Variants in DSCAML1 observed in about 807,000 individuals in gnomAD.
DSCAML1 encodes the protein DS cell adhesion molecule like 1, also known as cell adhesion molecule DSCAML1.
A neutral mutation model predicts 200.5 loss-of-function variants in DSCAML1; 38 were observed. The ratio of observed to expected loss-of-function variants is 0.19; its 90% CI spans 0.15 to 0.25. The LOEUF (loss-of-function observed/expected upper bound fraction) is 0.25. DSCAML1 is among the 10% of genes least tolerant of loss of function. DSCAML1 has a pLI of 1.00. For synonymous variants in DSCAML1, 1,215 were observed against 1,165.0 expected (o/e 1.04, Z -0.87); for missense variants, 2,223 against 2,858.8 (o/e 0.78, Z 5.07).
At chr11:117,610,845 C>CCA (rs2051675641) in intron 3 of DSCAML1, among the ~76,000 whole-genome samples, 1 of 148,700 alleles carries the variant, frequency 6.7e-6, no homozygotes, top group Non-Finnish European at 1.5e-5. Flanking sequence ...AAACAACCCC[C>CCA]CCCCCCCACA....
intron 3 of DSCAML1, among the ~76,000 whole-genome samples, chr11:117,770,898 T>C (rs1038548558): frequency 1.3e-5 from 2 of 152,188 alleles, no homozygotes; most frequent in Admixed American, 6.5e-5. Flanking sequence ...AAATAACTGG[T>C]ATCTGTAGTG....
chr11:117,640,820 C>T (rs1439296094), intron 3 of DSCAML1, among the ~76,000 whole-genome samples: 4 of 152,270 alleles, frequency 2.6e-5, no homozygotes, highest in Admixed American at 6.5e-5. Context: ...CCTGGCACAG[C>T]GTGGGGCACA....
In DSCAML1 at chr11:117,549,552, A is replaced by T. The variant is rs184953577; in HGVS notation, c.512-17030T>A. Among the ~76,000 whole-genome samples the T allele has an allele frequency of 3.5e-3, 534 of 152,322 alleles. 1 individual carries two copies. The highest frequency in any genetic ancestry group is 5.7e-3 in the Non-Finnish European group (388 of 68,026). Reference sequence around the variant, plus strand: ...TCTATAAAATTGTGCTAATAACAGTACCAATCACACAGAGTTGTAGTGGTC... The same window carrying T: ...TCTATAAAATTGTGCTAATAACAGTTCCAATCACACAGAGTTGTAGTGGTC... On this transcript the variant is annotated intron_variant, in intron 3 of 32. Coordinates refer to ENST00000651296, the MANE Select transcript of DSCAML1 (RefSeq NM_020693.4).
intron 3 of DSCAML1, among the ~76,000 whole-genome samples, chr11:117,669,864 A>G (rs1393367924): frequency 6.6e-6 from 1 of 152,220 alleles, no homozygotes; most frequent in Non-Finnish European, 1.5e-5. Context: ...CTATAGCTCA[A>G]TGAGCAACGG....
intron 3 of DSCAML1, among the ~76,000 whole-genome samples, chr11:117,679,663 G>A (rs1272769666): frequency 6.6e-6 from 1 of 152,168 alleles, no homozygotes; most frequent in Non-Finnish European, 1.5e-5. Flanking sequence ...CTGCTGTCTA[G>A]GCTCAAAGTC....
intron 3 of DSCAML1, among the ~76,000 whole-genome samples, chr11:117,743,453 C>T (rs2054458958): frequency 6.6e-6 from 1 of 152,188 alleles, no homozygotes; most frequent in Non-Finnish European, 1.5e-5. Context: ...CCTGCCCATG[C>T]CTGTGTGCAC....
chr11:117,461,776 C>T (rs561543627), intron 17 of DSCAML1, among the ~76,000 whole-genome samples, 180 bp from the exon 18 acceptor site: 69 of 152,246 alleles, frequency 4.5e-4, no homozygotes, highest in African/African-American at 1.4e-3. Flanking sequence ...GGAAGTGAAC[C>T]GAGTTTCCTT....
At position 117,687,426 on chromosome 11, in the gene DSCAML1, A is replaced by ATTTTTT. The variant is rs71037492; in HGVS notation, c.511+89359_511+89364dup. Among the ~76,000 whole-genome samples the ATTTTTT allele has an allele frequency of 6.6e-4, 64 of 97,640 alleles. 5 individuals carry two copies. The highest frequency in any genetic ancestry group is 2.0e-3 in the African/African-American group (48 of 24,300). 64.1% of individuals were successfully genotyped at this position (97,640 alleles called of 152,430 possible). ...CAGGTGTGCTCCACCATGCCTGGCT[A>ATTTTTT]TTTTTTTTTTTTTTTTTTTTTTAGA... On this transcript the variant is annotated intron_variant, in intron 3 of 32. Coordinates refer to ENST00000651296, the MANE Select transcript of DSCAML1 (RefSeq NM_020693.4).
chr11:117,627,431 C>T (rs1321045544), intron 3 of DSCAML1, among the ~76,000 whole-genome samples: 1 of 152,174 alleles, frequency 6.6e-6, no homozygotes, highest in Admixed American at 6.5e-5. Flanking sequence ...TGACTGAAGG[C>T]CTCTATGTCG....
intron 3 of DSCAML1, among the ~76,000 whole-genome samples, chr11:117,563,682 G>A (rs2137420418): frequency 6.6e-6 from 1 of 152,210 alleles, no homozygotes. Context: ...TAAGTGGTGG[G>A]GAGAAGACGA....
chr11:117,566,131 A>T (rs906198185), intron 3 of DSCAML1, among the ~76,000 whole-genome samples: 2 of 152,208 alleles, frequency 1.3e-5, no homozygotes, highest in African/African-American at 4.8e-5. Context: ...TGTTATCATT[A>T]TCACCATCAT....
At chr11:117,688,743 G>T (rs1459968388) in intron 3 of DSCAML1, among the ~76,000 whole-genome samples, 2 of 152,204 alleles carry the variant, frequency 1.3e-5, no homozygotes, top group African/African-American at 4.8e-5. Context: ...GAGGCTGAAG[G>T]CCCTAAATGA....
chr11:117,698,200 G>A (rs1348093211), intron 3 of DSCAML1, among the ~76,000 whole-genome samples: 3 of 152,210 alleles, frequency 2.0e-5, no homozygotes, highest in Non-Finnish European at 4.4e-5. Context: ...CTGCTGCTGT[G>A]GGCATGGGTG....
intron 8 of DSCAML1, among the ~76,000 whole-genome samples, chr11:117,510,533 C>T (rs1348359487): frequency 1.1e-4 from 16 of 152,130 alleles, no homozygotes; most frequent in Admixed American, 9.8e-4. Context: ...GGAAGCCCAT[C>T]CCAGATCGCC....
chr11:117,524,749 C>T, intron 5 of DSCAML1, 56 bp downstream of exon 5: 2 of 1,534,826 alleles, frequency 1.3e-6, no homozygotes, highest in East Asian at 2.5e-5. Context: ...CCTCCCCCGA[C>T]CCCTGAGGCG....
intron 4 of DSCAML1, among the ~76,000 whole-genome samples, chr11:117,530,488 G>A (rs2050056900): frequency 6.6e-6 from 1 of 152,188 alleles, no homozygotes; most frequent in Non-Finnish European, 1.5e-5. Context: ...ACAAAGATGG[G>A]GCTGCACGGA....
intron 3 of DSCAML1, among the ~76,000 whole-genome samples, chr11:117,708,446 G>A (rs2053789826): frequency 6.6e-6 from 1 of 152,150 alleles, no homozygotes. Flanking sequence ...GTTTGACTTT[G>A]GGTAAGTTTC....
intron 3 of DSCAML1, among the ~76,000 whole-genome samples, chr11:117,704,430 C>T (rs990090795): frequency 6.6e-6 from 1 of 152,080 alleles, no homozygotes; most frequent in Non-Finnish European, 1.5e-5. Context: ...ATGTTGTGTG[C>T]ACGCGCGCAC....
rs1194939528 is a variant in DSCAML1, at chr11:117,521,155, C to T, written c.1188G>A (p.Gln396=). 7 of 1,613,944 alleles carry T rather than the reference C, an allele frequency of 4.3e-6. No individual in the cohort carries two copies. The South Asian group carries it at 5.5e-5, about 13-fold the overall frequency. Residue 396 remains glutamine, a synonymous_variant, in exon 6 of 33, where the codon CAG becomes CAA. Coordinates refer to ENST00000651296, the MANE Select transcript of DSCAML1 (RefSeq NM_020693.4). ...CFATRKAQTA[Q]DFAIIALEDG... ...CCTCAAGTGCAATGATGGCAAAGTC[C>T]TGGGCGGTCTGGGCCTTGCGGGTAG... is the stretch of plus-strand genomic sequence containing the variant.
Sources: allele counts gnomAD v4.1 joint callset (sites outside exome capture counted in the v4.1 genomes callset), GRCh38; gene constraint gnomAD v4.1.1; transcripts MANE v1.5; gene names NCBI Gene and HGNC (gene_info 2026-07-23, HGNC 2026-07-21).